The following TBC1D14 variants were observed in gnomAD, a reference collection of about 807,000 sequenced individuals.
The protein encoded by TBC1D14 is TBC1 domain family, member 14.
Under a neutral mutation model 79.0 loss-of-function variants are expected in TBC1D14, and 26 were observed. The ratio of observed to expected loss-of-function variants is 0.33; its 90% CI spans 0.24 to 0.46. The LOEUF (loss-of-function observed/expected upper bound fraction) is 0.46, where lower values mean the gene tolerates loss of function less well. Ranked by LOEUF, TBC1D14 falls within the 20% of genes least tolerant of loss-of-function variation. The pLI is 1.00. For missense variants in TBC1D14, 769 were observed against 887.6 expected (o/e 0.87, Z 1.70); for synonymous variants, 394 against 349.9 (o/e 1.13, Z -1.40).
Position 6,953,468 on chromosome 4 carries a change from A to AAAC in TBC1D14, c.723-13834_723-13833insCAA, listed in dbSNP as rs1714293562. Among the ~76,000 whole-genome samples, 14 of 143,420 alleles carry AAAC rather than the reference A, an allele frequency of 9.8e-5. No homozygotes were observed. The South Asian group carries it at 3.1e-3, about 32-fold the overall frequency. The allele number at this position is 143,420 out of a possible 152,430, so 94.1% of individuals were successfully genotyped here. On this transcript the variant is annotated intron_variant, in intron 2 of 13. Coordinates refer to ENST00000409757, the MANE Select transcript of TBC1D14 (RefSeq NM_020773.3). Reference sequence around the variant, plus strand: ...AACCCCGTCTCTACTAAAAAAAAAAAAAAATACAAAAAATTAGCCGGGCGA... The same window carrying AAAC: ...AACCCCGTCTCTACTAAAAAAAAAAAAACAAAATACAAAAAATTAGCCGGGCGA...
intron 2 of TBC1D14, among the ~76,000 whole-genome samples, chr4:6,942,520 TGCCTCTAG>T (rs1254687267): frequency 6.6e-6 from 1 of 152,234 alleles, no homozygotes; most frequent in East Asian, 1.9e-4. Context: ...CATTCCCCCT[TGCCTCTAG>T]CAAGAGGCTT....
intron 5 of TBC1D14, among the ~76,000 whole-genome samples, chr4:6,996,661 G>A (rs955567316): frequency 5.9e-5 from 9 of 152,230 alleles, no homozygotes; most frequent in African/African-American, 1.2e-4. Context: ...CGGTGAGACC[G>A]CAGGGTTTGC....
At chr4:6,953,004 G>A (rs550741895) in intron 2 of TBC1D14, among the ~76,000 whole-genome samples, 1 of 146,190 alleles carries the variant, frequency 6.8e-6, no homozygotes, top group Non-Finnish European at 1.5e-5. Context: ...GTCACGCCTA[G>A]CTAACTATTT....
intron 3 of TBC1D14, among the ~76,000 whole-genome samples, chr4:6,988,976 A>G (rs1174854829): frequency 7.1e-6 from 1 of 140,534 alleles, no homozygotes; most frequent in Non-Finnish European, 1.5e-5. Flanking sequence ...TCCTGGGCTC[A>G]AGTGATCCTT....
At chr4:6,941,563 T>TG (rs1712913913) in intron 2 of TBC1D14, among the ~76,000 whole-genome samples, 1 of 152,128 alleles carries the variant, frequency 6.6e-6, no homozygotes, top group African/African-American at 2.4e-5. Context: ...ACACTTGCTG[T>TG]GAAGCTGTGG....
chr4:7,025,815 AG>A (rs1722312555), intron 13 of TBC1D14, among the ~76,000 whole-genome samples: 1 of 152,204 alleles, frequency 6.6e-6, no homozygotes, highest in African/African-American at 2.4e-5. Flanking sequence ...TGGCGCGGAT[AG>A]TCCGTATCCC....
In TBC1D14 at chr4:6,950,703, A is replaced by T. The variant is rs73799038; in HGVS notation, c.723-16601A>T. Among the ~76,000 whole-genome samples the T allele has an allele frequency of 4.6e-5, 7 of 152,308 alleles. 1 individual carries two copies. In the South Asian group the frequency reaches 1.2e-3, roughly 27 times the overall value. On this transcript the variant is annotated intron_variant, in intron 2 of 13. Transcript: ENST00000409757. ...TGATAACTTATGTTTTCTCCTTTACATGGTAAAGAACGTATTTTTCTAATG... is the reference window on the plus strand; with the variant it reads ...TGATAACTTATGTTTTCTCCTTTACTTGGTAAAGAACGTATTTTTCTAATG...
chr4:6,978,052 C>T (rs1188353983), intron 3 of TBC1D14, among the ~76,000 whole-genome samples: 279 of 149,506 alleles, frequency 1.9e-3, no homozygotes, highest in Middle Eastern at 7.2e-3. Flanking sequence ...CGGCAGCCAC[C>T]CCGTCTGGGA....
intron 3 of TBC1D14, 131 bp from the exon 4 acceptor site, chr4:6,994,053 G>C: frequency 1.3e-6 from 1 of 743,364 alleles, no homozygotes; most frequent in Non-Finnish European, 2.3e-6. Flanking sequence ...CTGAATAGCA[G>C]GAAAGGTTTT....
chr4:6,939,581 C>A (rs994338351), intron 2 of TBC1D14, among the ~76,000 whole-genome samples: 1 of 152,162 alleles, frequency 6.6e-6, no homozygotes, highest in African/African-American at 2.4e-5. Flanking sequence ...TAGTGGTCAG[C>A]ATACCTGCGT....
At chr4:6,995,069 A>T (rs977324713) in intron 4 of TBC1D14, among the ~76,000 whole-genome samples, 3 of 152,174 alleles carry the variant, frequency 2.0e-5, no homozygotes, top group Non-Finnish European at 4.4e-5. Flanking sequence ...GTCCCAGTGA[A>T]TGTGGGTCCT....
At chr4:6,985,018 G>A (rs764233264) in intron 3 of TBC1D14, among the ~76,000 whole-genome samples, 6 of 152,248 alleles carry the variant, frequency 3.9e-5, no homozygotes, top group Admixed American at 2.6e-4. Context: ...TTTTGCCCTC[G>A]CCTGGGCAAT....
intron 11 of TBC1D14, among the ~76,000 whole-genome samples, chr4:7,011,317 C>T (rs530267062): frequency 2.0e-5 from 3 of 148,848 alleles, no homozygotes; most frequent in South Asian, 2.2e-4. Flanking sequence ...AAGTGGGAGG[C>T]GGTGACAGTG....
chr4:7,022,614 C>T (rs1296615371), intron 12 of TBC1D14, among the ~76,000 whole-genome samples: 3 of 152,092 alleles, frequency 2.0e-5, no homozygotes, highest in East Asian at 1.9e-4. Flanking sequence ...CAGGCATGGT[C>T]GCAGCACGGC....
chr4:6,993,778 A>G (rs1272083588), intron 3 of TBC1D14, among the ~76,000 whole-genome samples: 2 of 152,112 alleles, frequency 1.3e-5, no homozygotes, highest in East Asian at 3.9e-4. Flanking sequence ...GGGAGGCTGA[A>G]GCGGGTGGAT....
chr4:6,986,331 T>C (rs1560309987), intron 3 of TBC1D14, among the ~76,000 whole-genome samples: 1 of 152,264 alleles, frequency 6.6e-6, no homozygotes, highest in Non-Finnish European at 1.5e-5. Flanking sequence ...CTGGTCGTAT[T>C]TCTCTTGGGT....
chr4:6,917,868 C>G lies in TBC1D14; in HGVS notation c.-17-5505C>G, dbSNP rs185769171. 2.3e-3 allele frequency among the ~76,000 whole-genome samples: 353 copies of G among 152,268 alleles called. 3 individuals carry two copies. Among genetic ancestry groups the G allele is most frequent in the African/African-American group, 7.9e-3 (329 of 41,536 alleles). ...AGGTGGCCTGGAGTGCGGCTTCTGC[C>G]CTAGTGGCACGAGGCGGAAGTGCTT... On this transcript the variant is annotated intron_variant, in intron 1 of 13. Transcript: ENST00000409757.
intron 12 of TBC1D14, among the ~76,000 whole-genome samples, chr4:7,018,922 C>T (rs932814568): frequency 2.0e-5 from 3 of 152,190 alleles, no homozygotes; most frequent in African/African-American, 4.8e-5. Context: ...CTTGAGCTAA[C>T]AAAAGAATCG....
At chr4:6,958,176 A>G (rs901555845) in intron 2 of TBC1D14, among the ~76,000 whole-genome samples, 2 of 152,132 alleles carry the variant, frequency 1.3e-5, no homozygotes, top group African/African-American at 4.8e-5. Context: ...GCATGAGTCA[A>G]GTCACTGTCC....
Sources: gnomAD v4.1 joint callset for allele counts (sites outside exome capture counted in the v4.1 genomes callset) on GRCh38, gnomAD v4.1.1 for gene constraint, MANE v1.5 for transcripts, NCBI Gene and HGNC (gene_info 2026-07-23, HGNC 2026-07-21) for gene names.